Variants in PRMT8 observed in about 807,000 individuals in gnomAD.
PRMT8 encodes protein arginine methyltransferase 8, also known as protein arginine N-methyltransferase 8.
Under a neutral mutation model 47.1 loss-of-function variants are expected in PRMT8, and 7 were observed. That is an observed-to-expected ratio of 0.15 (90% CI 0.08 to 0.28). PRMT8 has a LOEUF of 0.28. Ranked by LOEUF, PRMT8 falls within the 10% of genes least tolerant of loss-of-function variation. The pLI, the probability that PRMT8 is intolerant of heterozygous loss-of-function variation, is 1.00. For missense variants in PRMT8, 237 were observed against 505.4 expected (o/e 0.47, Z 5.09); for synonymous variants, 188 against 186.5 (o/e 1.01, Z -0.07).
intron 1 of PRMT8, among the ~76,000 whole-genome samples, chr12:3,496,841 G>A (rs1865517489): frequency 6.6e-6 from 1 of 151,630 alleles, no homozygotes; most frequent in African/African-American, 2.4e-5. Context: ...CATAGTCCAT[G>A]TGACTTTTTC....
In PRMT8 at chr12:3,538,829, C is replaced by A; in HGVS notation, c.76-1777C>A. 2.1e-6 allele frequency: 1 copy of A among 485,926 alleles called. No individual in the cohort carries two copies. 30.1% of individuals were successfully genotyped at this position (485,926 alleles called of 1,614,324 possible). On this transcript the variant is annotated intron_variant, in intron 1 of 9. Coordinates refer to ENST00000382622, the MANE Select transcript of PRMT8 (RefSeq NM_019854.5). This position sits in a 1 kb window ranked among gnomAD's most constrained non-coding sequence, Gnocchi z 4.6. ...CCTGCTGCATTCTAATGAGGCAGCC[C>A]CACTCGCCTTTGCCAGCCCGCCCGG...
intron 1 of PRMT8, among the ~76,000 whole-genome samples, chr12:3,507,412 C>T (rs532034647): frequency 1.3e-4 from 20 of 152,250 alleles, no homozygotes; most frequent in African/African-American, 4.6e-4. Context: ...TGAACCACCG[C>T]GCCCAGCCAA....
rs570244507 is a variant in PRMT8 at position 3,550,213 on chromosome 12, C to T, written c.417+122C>T. Reference sequence around the variant, plus strand: ...ATCTCTTTTGCTGGGGTCACACCTTCGAGGAGTAGAAGAAATCAGGTGTGA... The same window carrying T: ...ATCTCTTTTGCTGGGGTCACACCTTTGAGGAGTAGAAGAAATCAGGTGTGA... On this transcript the variant is annotated intron_variant, in intron 3 of 9. Transcript: ENST00000382622. This position sits in a 1 kb window ranked among gnomAD's most constrained non-coding sequence, Gnocchi z 5.1. The T allele has an allele frequency of 1.7e-5, 21 of 1,235,216 alleles. No individual in the cohort carries two copies. In the East Asian group the frequency reaches 2.9e-4, roughly 17 times the overall value. The allele number at this position is 1,235,216 out of a possible 1,614,324, so 76.5% of individuals were successfully genotyped here.
intron 2 of PRMT8, among the ~76,000 whole-genome samples, chr12:3,543,134 C>T (rs1394469140): frequency 6.6e-6 from 1 of 152,210 alleles, no homozygotes; most frequent in Non-Finnish European, 1.5e-5. Flanking sequence ...TGCTTAGCAG[C>T]CTTCCCATTG....
intron 1 of PRMT8, among the ~76,000 whole-genome samples, chr12:3,497,079 G>A (rs1156781436): frequency 6.6e-6 from 1 of 152,134 alleles, no homozygotes. Flanking sequence ...TCACATACCA[G>A]TGTGGAACAT....
At position 3,552,910 on chromosome 12, in the gene PRMT8, G is replaced by C. The variant is rs983721736; in HGVS notation, c.418-741G>C. The C allele has an allele frequency of 2.7e-5, 10 of 377,088 alleles. No individual in the cohort carries two copies. The highest frequency in any genetic ancestry group is 2.1e-4 in the African/African-American group (10 of 47,506). 23.4% of individuals were successfully genotyped at this position (377,088 alleles called of 1,614,324 possible). ...GCTCCGGAGGTGAGGACGGCTCTTGGCAGCTGCCCCTCCATGTCCAGAACC... is the reference window on the plus strand; with the variant it reads ...GCTCCGGAGGTGAGGACGGCTCTTGCCAGCTGCCCCTCCATGTCCAGAACC... On this transcript the variant is annotated intron_variant, in intron 3 of 9. Coordinates refer to ENST00000382622, the MANE Select transcript of PRMT8 (RefSeq NM_019854.5). The surrounding 1 kb of genome is among the most constrained non-coding windows in gnomAD (Gnocchi z 4.5).
chr12:3,549,825 T>C, intron 2 of PRMT8, 111 bp from the exon 3 acceptor site: 1 of 1,227,060 alleles, frequency 8.1e-7, no homozygotes, highest in Non-Finnish European at 1.2e-6. Context: ...CCTGATGATA[T>C]TATCGGGTCT....
chr12:3,537,745 G>A (rs1866143630), intron 1 of PRMT8, among the ~76,000 whole-genome samples: 1 of 152,112 alleles, frequency 6.6e-6, no homozygotes, highest in African/African-American at 2.4e-5. Flanking sequence ...AGTTGCCAAA[G>A]CCTGTAGAGT....
At chr12:3,450,993 A>G (rs1201638864) in intron 1 of PRMT8, among the ~76,000 whole-genome samples, 1 of 138,314 alleles carries the variant, frequency 7.2e-6, no homozygotes, top group Non-Finnish European at 1.5e-5. Context: ...GGCAAATCAC[A>G]TCTTAGTTTT....
At chr12:3,420,828 T>G (rs759916024) in intron 1 of PRMT8, among the ~76,000 whole-genome samples, 4 of 152,206 alleles carry the variant, frequency 2.6e-5, no homozygotes, top group Non-Finnish European at 4.4e-5. Flanking sequence ...GAGTCTTGAC[T>G]CAAATACTCA....
At position 3,570,916 on chromosome 12, in the gene PRMT8, G is replaced by C. The variant is rs1450505904; in HGVS notation, c.712+1352G>C. ...ACCAAATGAGGACAGTGAGAGGCAG[G>C]GGGGCCCAGGTTAAATGCTTTGCAC... is the stretch of plus-strand genomic sequence containing the variant. On this transcript the variant is annotated intron_variant, in intron 6 of 9. Transcript: ENST00000382622. The surrounding 1 kb of genome is among the most constrained non-coding windows in gnomAD (Gnocchi z 5.5). 6.6e-6 allele frequency among the ~76,000 whole-genome samples: 1 copy of C among 152,116 alleles called. No homozygotes were observed. Among genetic ancestry groups the C allele is most frequent in the Non-Finnish European group, 1.5e-5 (1 of 68,022 alleles).
chr12:3,473,062 T>A (rs974720711), intron 1 of PRMT8, among the ~76,000 whole-genome samples: 7 of 152,182 alleles, frequency 4.6e-5, no homozygotes, highest in African/African-American at 1.7e-4. Context: ...AATGGAATTA[T>A]AACAAGACCT....
At chr12:3,481,345 G>A (rs915876159) in intron 1 of PRMT8, among the ~76,000 whole-genome samples, 19 of 152,198 alleles carry the variant, frequency 1.2e-4, no homozygotes, top group Non-Finnish European at 2.6e-4. Flanking sequence ...TGGAAGATGG[G>A]GCAAAAGACC....
At position 3,558,961 on chromosome 12, in the gene PRMT8, C is replaced by CCTATCTATCTATCTATCTAT. The variant is rs61644721; in HGVS notation, c.481+5258_481+5277dup. Among the ~76,000 whole-genome samples the CCTATCTATCTATCTATCTAT allele has an allele frequency of 9.4e-3, 1,417 of 150,092 alleles. 6 individuals are homozygous for CCTATCTATCTATCTATCTAT. The highest frequency in any genetic ancestry group is 0.013 in the East Asian group (65 of 5,046). ...TAACATTTATCTGTCTATCTATCTA[C>CCTATCTATCTATCTATCTAT]CTATCTATCTATCTATCTATCTATC... On this transcript the variant is annotated intron_variant, in intron 4 of 9. Coordinates refer to ENST00000382622, the MANE Select transcript of PRMT8 (RefSeq NM_019854.5).
At chr12:3,468,423 G>A (rs1214512347) in intron 1 of PRMT8, among the ~76,000 whole-genome samples, 1 of 152,162 alleles carries the variant, frequency 6.6e-6, no homozygotes, top group Non-Finnish European at 1.5e-5. Context: ...CTCTCACTTT[G>A]TCGTCACAGA....
intron 1 of PRMT8, among the ~76,000 whole-genome samples, chr12:3,426,626 T>A (rs772605761): frequency 2.6e-4 from 39 of 152,330 alleles, no homozygotes; most frequent in Middle Eastern, 3.4e-3. Flanking sequence ...AAGCATTAAA[T>A]GCAATAGTTT....
intron 1 of PRMT8, among the ~76,000 whole-genome samples, chr12:3,397,957 G>A (rs1314767702): frequency 6.6e-6 from 1 of 152,220 alleles, no homozygotes; most frequent in Non-Finnish European, 1.5e-5. Context: ...GTATTCGGGT[G>A]GGAGTGGCCT....
At chr12:3,396,671 G>GA (rs1371941515) in intron 1 of PRMT8, among the ~76,000 whole-genome samples, 2 of 150,976 alleles carry the variant, frequency 1.3e-5, no homozygotes, top group South Asian at 2.1e-4. Context: ...CAACTTTGGT[G>GA]AATCTGACAA....
In PRMT8 at chr12:3,390,331, T is replaced by G. The variant is rs186887438; in HGVS notation, c.48+8889T>G. 8.5e-5 allele frequency among the ~76,000 whole-genome samples: 13 copies of G among 152,366 alleles called. No homozygotes were observed. In the East Asian group the frequency reaches 2.3e-3, roughly 27 times the overall value. ...CGCAGTGAAAAGTTCTGGCTGCTGT[T>G]TTCTGTTCCTCCTGCTGACCGATGG... On this transcript the variant is annotated intron_variant, in intron 1 of 9. Transcript: ENST00000452611.
Sources: gnomAD v4.1 joint callset for allele counts (sites outside exome capture counted in the v4.1 genomes callset) on GRCh38, gnomAD v4.1.1 for gene constraint, Gnocchi (gnomAD v3.1) non-coding constraint, MANE v1.5 for transcripts, NCBI Gene and HGNC (gene_info 2026-07-23, HGNC 2026-07-21) for gene names.